Variants in IL1RAPL2 observed in about 807,000 individuals in gnomAD.
The protein encoded by IL1RAPL2 is interleukin 1 receptor accessory protein like 2.
Under a neutral mutation model 44.1 loss-of-function variants are expected in IL1RAPL2, and 3 were observed. The observed-to-expected ratio is 0.07, with a 90% CI of 0.03 to 0.18. The LOEUF (loss-of-function observed/expected upper bound fraction) is 0.18, where lower values mean the gene tolerates loss of function less well. IL1RAPL2 is among the 10% of genes least tolerant of loss of function. IL1RAPL2 has a pLI of 1.00. For missense variants in IL1RAPL2, 391 were observed against 496.4 expected, an observed-to-expected ratio of 0.79 and a Z score of 2.02; for synonymous variants, 181 against 178.8, an observed-to-expected ratio of 1.01 and a Z score of -0.10.
At chrX:105,701,166 T>C (rs897217847) in intron 6 of IL1RAPL2, among the ~76,000 whole-genome samples, 6 of 111,776 alleles carry the variant, frequency 5.4e-5, no homozygotes, top group Non-Finnish European at 9.4e-5. Flanking sequence ...TGCATTAACC[T>C]GAGAAAGGAA....
intron 2 of IL1RAPL2, among the ~76,000 whole-genome samples, chrX:104,997,585 T>C (rs1365730788): frequency 9.0e-6 from 1 of 111,679 alleles, no homozygotes; most frequent in Non-Finnish European, 1.9e-5. Context: ...AAGAGACTTT[T>C]TCAACAGTTA....
chrX:105,517,431 T>C (rs904800563), intron 6 of IL1RAPL2, among the ~76,000 whole-genome samples: 16 of 111,581 alleles, frequency 1.4e-4, no homozygotes, highest in African/African-American at 4.6e-4. Flanking sequence ...CAAAATCTCA[T>C]TGAACATTGC....
chrX:104,925,546 C>A (rs988228995), intron 2 of IL1RAPL2, among the ~76,000 whole-genome samples: 1 of 112,146 alleles, frequency 8.9e-6, no homozygotes, highest in Non-Finnish European at 1.9e-5. Flanking sequence ...GTTGGTTCAA[C>A]ATATGAAATC....
At chrX:104,629,718 T>C (rs768614217) in intron 1 of IL1RAPL2, among the ~76,000 whole-genome samples, 10 of 111,756 alleles carry the variant, frequency 8.9e-5, no homozygotes, top group Non-Finnish European at 1.3e-4. Flanking sequence ...TGGTGAGAGA[T>C]AGGGATCCAG....
chrX:105,185,745 C>G (rs568287793), intron 2 of IL1RAPL2, among the ~76,000 whole-genome samples: 10 of 112,305 alleles, frequency 8.9e-5, no homozygotes, highest in African/African-American at 3.2e-4. Context: ...CTTCACAATT[C>G]TCTACTTATT....
At chrX:104,908,867 G>T (rs887116893) in intron 2 of IL1RAPL2, among the ~76,000 whole-genome samples, 2 of 111,005 alleles carry the variant, frequency 1.8e-5, no homozygotes, top group Non-Finnish European at 3.8e-5. Flanking sequence ...CTAGATTGGG[G>T]AAGTTCTCCT....
intron 3 of IL1RAPL2, among the ~76,000 whole-genome samples, chrX:105,221,187 C>T (rs1159422471): frequency 2.7e-5 from 3 of 111,097 alleles, no homozygotes; most frequent in African/African-American, 9.8e-5. Flanking sequence ...ATAAATAATA[C>T]CTGAAGAAAT....
At chrX:105,534,374 T>A in intron 6 of IL1RAPL2, among the ~76,000 whole-genome samples, 1 of 112,007 alleles carries the variant, frequency 8.9e-6, no homozygotes. Flanking sequence ...CTGTATATTT[T>A]AAAATAACTA....
intron 2 of IL1RAPL2, among the ~76,000 whole-genome samples, chrX:105,189,841 A>T (rs1374499886): frequency 9.0e-6 from 1 of 111,550 alleles, no homozygotes; most frequent in African/African-American, 3.3e-5. Context: ...AATACATATG[A>T]CAATTTGGAT....
At chrX:105,652,986 G>A (rs2037651486) in intron 6 of IL1RAPL2, among the ~76,000 whole-genome samples, 1 of 111,076 alleles carries the variant, frequency 9.0e-6, no homozygotes, top group African/African-American at 3.3e-5. Flanking sequence ...AATATTTATT[G>A]GGCATCTACT....
rs1262236237 is a variant in IL1RAPL2, at chrX:105,483,526, C to T, written c.698-787C>T. Among the ~76,000 whole-genome samples, 3 of 111,399 alleles carry T rather than the reference C, an allele frequency of 2.7e-5. No individual in the cohort carries two copies. The East Asian group carries it at 8.5e-4, about 31-fold the overall frequency. ...TTTCCAAATCTTCTCCACTCTCTGC[C>T]TTTCCAAATTTTCTCCATCCCTTAA... On this transcript the variant is annotated intron_variant, in intron 5 of 10. Coordinates refer to ENST00000372582, the MANE Select transcript of IL1RAPL2 (RefSeq NM_017416.2).
intron 2 of IL1RAPL2, among the ~76,000 whole-genome samples, chrX:104,691,494 A>G (rs1294880691): frequency 1.8e-5 from 2 of 112,479 alleles, no homozygotes; most frequent in African/African-American, 6.5e-5. Flanking sequence ...ATTAAATGAC[A>G]GACAAGACAA....
intron 2 of IL1RAPL2, among the ~76,000 whole-genome samples, chrX:105,142,776 C>A (rs141365702): frequency 2.7e-5 from 3 of 109,620 alleles, no homozygotes; most frequent in African/African-American, 6.7e-5. Context: ...ATCCCTCCCC[C>A]CTACCCTCAC....
At chrX:104,733,352 G>A (rs968543873) in intron 2 of IL1RAPL2, among the ~76,000 whole-genome samples, 1 of 111,042 alleles carries the variant, frequency 9.0e-6, no homozygotes. Flanking sequence ...AGCACTTTGC[G>A]AGGCCGAGGT....
At chrX:105,074,269 G>A (rs924047885) in intron 2 of IL1RAPL2, among the ~76,000 whole-genome samples, 8 of 111,662 alleles carry the variant, frequency 7.2e-5, no homozygotes, top group Admixed American at 1.9e-4. Flanking sequence ...TGGCTAGCCC[G>A]TTTTCCCAGC....
intron 2 of IL1RAPL2, among the ~76,000 whole-genome samples, chrX:104,864,215 T>C (rs1295586096): frequency 8.9e-6 from 1 of 112,206 alleles, no homozygotes; most frequent in African/African-American, 3.2e-5. Context: ...TTCCTTTCAA[T>C]TTTATAGATT....
At chrX:105,560,481 C>T (rs1468155040) in intron 6 of IL1RAPL2, among the ~76,000 whole-genome samples, 1 of 111,025 alleles carries the variant, frequency 9.0e-6, no homozygotes, top group African/African-American at 3.3e-5. Context: ...TGCAGTGGCG[C>T]AATCTTGGCT....
intron 5 of IL1RAPL2, among the ~76,000 whole-genome samples, chrX:105,358,573 C>T (rs2035222781): frequency 9.4e-6 from 1 of 106,304 alleles, no homozygotes; most frequent in South Asian, 4.2e-4. Flanking sequence ...CTACTCAAGA[C>T]GATGAGGTGG....
At chrX:105,078,622 C>T (rs1226766835) in intron 2 of IL1RAPL2, among the ~76,000 whole-genome samples, 2 of 112,677 alleles carry the variant, frequency 1.8e-5, no homozygotes, top group Non-Finnish European at 3.8e-5. Context: ...CTGTGCCCTG[C>T]CCCCAGAGGT....
Sources: gnomAD v4.1 joint callset for allele counts (sites outside exome capture counted in the v4.1 genomes callset) on GRCh38, gnomAD v4.1.1 for gene constraint, MANE v1.5 for transcripts, NCBI Gene and HGNC (gene_info 2026-07-23, HGNC 2026-07-21) for gene names.